Variants in SLC8A2 observed in about 807,000 individuals in gnomAD.
SLC8A2 encodes the protein solute carrier family 8 member A2, also known as sodium/calcium exchanger 2.
A neutral mutation model predicts 70.2 loss-of-function variants in SLC8A2; 14 were observed. That is an observed-to-expected ratio of 0.20 (90% CI 0.13 to 0.31). SLC8A2 has a LOEUF of 0.31. Ranked by LOEUF, SLC8A2 falls within the 10% of genes least tolerant of loss-of-function variation. SLC8A2 has a pLI of 1.00. For synonymous variants in SLC8A2, 575 were observed against 594.3 expected (o/e 0.97, Z 0.47); for missense variants, 779 against 1,320.1 (o/e 0.59, Z 6.35).
chr19:47,466,428 G>A lies in SLC8A2; in HGVS notation c.-16-9C>T, dbSNP rs916655607. ...TGGGGGGTGGTGGGGTCCTATGGGG[G>A]AGGAGGAGGAGGTCTGGGTGAGGGA... On this transcript the variant is annotated splice_polypyrimidine_tract_variant and intron_variant, in intron 1 of 9. Coordinates refer to ENST00000236877, the MANE Select transcript of SLC8A2 (RefSeq NM_015063.3). The surrounding 1 kb of genome is among the most constrained non-coding windows in gnomAD (Gnocchi z 6.9). 6 of 959,512 alleles carry A rather than the reference G, an allele frequency of 6.3e-6. No homozygotes were observed. The South Asian group carries it at 1.0e-4, about 17-fold the overall frequency. The allele number at this position is 959,512 out of a possible 1,614,324, so 59.4% of individuals were successfully genotyped here.
chr19:47,448,081 G>T lies in SLC8A2; in HGVS notation c.1491C>A (p.Asp497Glu). Residue 497 changes from aspartate (D) to glutamate (E), a missense_variant, in exon 4 of 10, where the codon GAC (aspartate) becomes GAA (glutamate). Asp to Glu is a conservative substitution (Grantham distance 45). Coordinates refer to ENST00000236877, the MANE Select transcript of SLC8A2 (RefSeq NM_015063.3). The surrounding 1 kb of genome is among the most constrained non-coding windows in gnomAD (Gnocchi z 4.8). ...GCCGCCCCTTGGGCCGCCCGCCGCCGTCCGGCTCGAACATGCCCTGCGCGT... is the reference window on the plus strand; with the variant it reads ...GCCGCCCCTTGGGCCGCCCGCCGCCTTCCGGCTCGAACATGCCCTGCGCGT... ...VGDAQGMFEP[D>E]GGGRPKGRLV... is the part of the protein sequence containing the mutation. 1 of 1,599,542 alleles carries T rather than the reference G, an allele frequency of 6.3e-7. No individual in the cohort carries two copies. The highest frequency in any genetic ancestry group is 2.3e-5 in the East Asian group (1 of 44,246).
At chr19:47,441,703 C>T (rs187162148) in intron 4 of SLC8A2, among the ~76,000 whole-genome samples, 1 of 152,212 alleles carries the variant, frequency 6.6e-6, no homozygotes, top group Admixed American at 6.5e-5. Context: ...TGCCTCTTAT[C>T]CCAGAACTTT....
In SLC8A2 at chr19:47,432,113, C is replaced by A. The variant is rs538645493; in HGVS notation, c.2389+54G>T. On this transcript the variant is annotated intron_variant, in intron 9 of 9. Transcript: ENST00000236877. The surrounding 1 kb of genome is among the most constrained non-coding windows in gnomAD (Gnocchi z 6.2). ...CTCATTTTGGCAGGATCCTGTGTTG[C>A]CCCTGCCTGGCTCATCTGAGATCCT... 11 of 1,508,428 alleles carry A rather than the reference C, an allele frequency of 7.3e-6. No individual in the cohort carries two copies. Among genetic ancestry groups the A allele is most frequent in the East Asian group, 4.6e-5 (2 of 43,920 alleles). 93.4% of individuals were successfully genotyped at this position (1,508,428 alleles called of 1,614,324 possible). A position where few individuals can be genotyped will look rare whatever the true frequency, so the allele number is the denominator to read the frequency against.
At position 47,447,727 on chromosome 19, in the gene SLC8A2, C is replaced by T. The variant is rs1967183986; in HGVS notation, c.1763+82G>A. 2.2e-6 allele frequency: 3 copies of T among 1,386,366 alleles called. No homozygotes were observed. The highest frequency in any genetic ancestry group is 2.5e-4 in the Middle Eastern group (1 of 4,068). The allele number at this position is 1,386,366 out of a possible 1,614,324, so 85.9% of individuals were successfully genotyped here. ...CCGCCCACTATGTGGGCATGGCTCACCCAGGCCCCGCCCCTGAGCCACATC... is the reference window on the plus strand; with the variant it reads ...CCGCCCACTATGTGGGCATGGCTCATCCAGGCCCCGCCCCTGAGCCACATC... On this transcript the variant is annotated intron_variant, in intron 4 of 9. Transcript: ENST00000236877. This position sits in a 1 kb window ranked among gnomAD's most constrained non-coding sequence, Gnocchi z 5.1.
rs776570248 is a variant in SLC8A2, at chr19:47,447,981, G to A, written c.1591C>T (p.Leu531=). 6.4e-7 allele frequency: 1 copy of A among 1,561,144 alleles called. No homozygotes were observed. Among genetic ancestry groups the A allele is most frequent in the East Asian group, 2.4e-5 (1 of 41,614 alleles). The change falls in exon 4 of 10, where the codon CTG becomes TTG. Residue 531 remains leucine (L), a synonymous_variant. Transcript: ENST00000236877. The surrounding 1 kb of genome is among the most constrained non-coding windows in gnomAD (Gnocchi z 5.1). ...HAGIFSFQDR[L]LHVSECMGTV... ...CCCATGCACTCGCTCACGTGCAGCAGGCGGTCCTGGAAGGAGAAGATGCCT... is the reference window on the plus strand; with the variant it reads ...CCCATGCACTCGCTCACGTGCAGCAAGCGGTCCTGGAAGGAGAAGATGCCT...
At chr19:47,446,763 C>T (rs1193478954) in intron 4 of SLC8A2, among the ~76,000 whole-genome samples, 1 of 152,116 alleles carries the variant, frequency 6.6e-6, no homozygotes. Context: ...TGCTCTCAAA[C>T]TCCTGGCCTC....
At chr19:47,455,133 G>A (rs987768559) in intron 3 of SLC8A2, among the ~76,000 whole-genome samples, 3 of 152,006 alleles carry the variant, frequency 2.0e-5, no homozygotes. Flanking sequence ...GGAGAGAGAG[G>A]AGAGAGGGGA....
intron 8 of SLC8A2, among the ~76,000 whole-genome samples, chr19:47,433,464 C>T (rs1396763361): frequency 1.3e-5 from 2 of 152,210 alleles, no homozygotes; most frequent in South Asian, 2.1e-4. Context: ...TGCCAGAATT[C>T]CTCCTGTGAG....
chr19:47,437,932 G>C lies in SLC8A2; in HGVS notation c.1927C>G (p.Arg643Gly). 3.1e-6 allele frequency: 5 copies of C among 1,613,972 alleles called. No homozygotes were observed. Among genetic ancestry groups the C allele is most frequent in the Non-Finnish European group, 2.5e-6 (3 of 1,179,972 alleles). ...RKLTAEEEEARRIAEMGKPVL... is the reference protein window; with the variant it reads ...RKLTAEEEEAGRIAEMGKPVL... ...GGCTTGCCCATCTCTGCTATCCTCC[G>C]AGCCTCCTCCTCCTCGGCTGTTAGC... The change falls in exon 7 of 10, where the codon CGG becomes GGG. Residue 643 changes from arginine to glycine, a missense_variant. Physicochemically the swap from Arg to Gly is moderately radical, Grantham distance 125. Coordinates refer to ENST00000236877, the MANE Select transcript of SLC8A2 (RefSeq NM_015063.3).
chr19:47,452,443 A>AGTGTGTGT (rs1568444573), intron 3 of SLC8A2, among the ~76,000 whole-genome samples: 1 of 55,784 alleles, frequency 1.8e-5, no homozygotes, highest in African/African-American at 8.0e-5. Flanking sequence ...AGAGAGAGAG[A>AGTGTGTGT]GAGTGTGTGT....
At chr19:47,452,464 G>A (rs1967256165) in intron 3 of SLC8A2, among the ~76,000 whole-genome samples, 1 of 140,326 alleles carries the variant, frequency 7.1e-6, no homozygotes, top group Non-Finnish European at 1.5e-5. Context: ...GTGTGTGTGT[G>A]TGTGTGTGTG....
Position 47,457,095 on chromosome 19 carries a change from C to T in SLC8A2, c.1175G>A (p.Gly392Asp), listed in dbSNP as rs763847134. 2 of 1,563,686 alleles carry T rather than the reference C, an allele frequency of 1.3e-6. No individual in the cohort carries two copies. The highest frequency in any genetic ancestry group is 1.7e-6 in the Non-Finnish European group (2 of 1,155,056). Residue 392 changes from glycine to aspartate, a missense_variant, in exon 3 of 10, where the codon GGC (glycine) becomes GAC (aspartate). This residue lies in a region of SLC8A2 where 186 missense variants were observed against 246.6 expected (regional missense o/e 0.75). Transcript: ENST00000236877. ...AGGCTCGAAGAAGATGCGGCTGGCG[C>T]CGTCGTCTTCGTCCTCGCCCGCGCC... is the stretch of plus-strand genomic sequence containing the variant. The part of the protein sequence containing the change: ...AEGAGEDEDD[G>D]ASRIFFEPSL...
chr19:47,441,250 C>T, intron 5 of SLC8A2, 64 bp from the exon 6 acceptor site: 2 of 1,603,138 alleles, frequency 1.2e-6, no homozygotes, highest in South Asian at 2.2e-5. Flanking sequence ...GGTCCACGAG[C>T]TTTAAGGAGT....
intron 4 of SLC8A2, among the ~76,000 whole-genome samples, chr19:47,446,042 C>G (rs1241635112): frequency 6.6e-6 from 1 of 152,142 alleles, no homozygotes; most frequent in Non-Finnish European, 1.5e-5. Context: ...CAGAGAGAGA[C>G]AGCCCAGGGA....
intron 3 of SLC8A2, among the ~76,000 whole-genome samples, chr19:47,455,106 GGAGAGGAGAGAGTAGAGGAGA>G (rs1967288600): frequency 6.6e-6 from 1 of 151,992 alleles, no homozygotes; most frequent in African/African-American, 2.4e-5. Context: ...AAGGAAGAGA[GGAGAGGAGAGAGTAGAGGAGA>G]GAGAGGAGAG....
chr19:47,447,404 C>T lies in SLC8A2; in HGVS notation c.1763+405G>A. The T allele has an allele frequency of 3.9e-6, 1 of 254,062 alleles. No individual in the cohort carries two copies. The highest frequency in any genetic ancestry group is 7.6e-6 in the Non-Finnish European group (1 of 131,270). The allele number at this position is 254,062 out of a possible 1,614,324, so 15.7% of individuals were successfully genotyped here. The stretch of plus-strand genomic sequence containing the variant: ...CCGTCCCATCTCTCCTCACCTCGTC[C>T]CCCCTTCCTCCTTGGGGCCCTCTTC... On this transcript the variant is annotated intron_variant, in intron 4 of 9. Transcript: ENST00000236877. This position sits in a 1 kb window ranked among gnomAD's most constrained non-coding sequence, Gnocchi z 5.1.
intron 3 of SLC8A2, 152 bp downstream of exon 3, chr19:47,456,778 A>T (rs1967308218): frequency 5.9e-6 from 5 of 852,602 alleles, no homozygotes; most frequent in Non-Finnish European, 6.9e-6. Context: ...AGCGCCTGGC[A>T]CAAAGCAGGC....
rs1330751512 is a variant in SLC8A2 at position 47,430,167 on chromosome 19, G to A, written c.2688C>T (p.Thr896=). The part of the protein sequence containing the change: ...GGPRGPKLAT[T]ALFLGLWLLY... ...GGAGCCAGAGGCCCAGGAAGAGCGC[G>A]GTGGTGGCGAGCTTGGGTCCGCGCG... Residue 896 remains threonine (T), a synonymous_variant, in exon 10 of 10, where the codon ACC becomes ACT. Coordinates refer to ENST00000236877, the MANE Select transcript of SLC8A2 (RefSeq NM_015063.3). This position sits in a 1 kb window ranked among gnomAD's most constrained non-coding sequence, Gnocchi z 5.9. 1 of 1,598,148 alleles carries A rather than the reference G, an allele frequency of 6.3e-7. No individual in the cohort carries two copies. Among genetic ancestry groups the A allele is most frequent in the Admixed American group, 1.7e-5 (1 of 57,738 alleles).
In SLC8A2 at chr19:47,470,348, T is replaced by C. The variant is rs55704386; in HGVS notation, c.-17+1441A>G. On this transcript the variant is annotated intron_variant, in intron 1 of 9. Transcript: ENST00000236877. ...CTCACCTGCAGCCAGGGAGACATCA[T>C]ACACACACACACACACACACACACA... 6.1e-3 allele frequency among the ~76,000 whole-genome samples: 849 copies of C among 139,388 alleles called. 10 individuals are homozygous for C. Among genetic ancestry groups the C allele is most frequent in the African/African-American group, 0.02 (765 of 37,650 alleles). The allele number at this position is 139,388 out of a possible 152,430, so 91.4% of individuals were successfully genotyped here. A position where few individuals can be genotyped will look rare whatever the true frequency, so the allele number is the denominator to read the frequency against.
Sources: gnomAD v4.1 joint callset for allele counts (sites outside exome capture counted in the v4.1 genomes callset) on GRCh38, gnomAD v4.1.1 for gene constraint, gnomAD v4.1.1 regional missense constraint, Gnocchi (gnomAD v3.1) non-coding constraint, MANE v1.5 for transcripts, NCBI Gene and HGNC (gene_info 2026-07-23, HGNC 2026-07-21) for gene names.